PRPF40B: variants seen among roughly 807,000 people sequenced by gnomAD.
The protein encoded by PRPF40B is pre-mRNA-processing factor 40 homolog B.
PRPF40B carries 56 observed loss-of-function variants against 124.5 expected under a neutral mutation model. That is an observed-to-expected ratio of 0.45 (90% CI 0.36 to 0.56). The LOEUF (loss-of-function observed/expected upper bound fraction) is 0.56, where lower values mean the gene tolerates loss of function less well. Among genes scored for constraint, PRPF40B ranks in the 20% least tolerant of loss-of-function variants. PRPF40B has a pLI of 0.00. For missense variants in PRPF40B, 1,053 were observed against 1,169.5 expected (o/e 0.90, Z 1.45); for synonymous variants, 443 against 426.4 (o/e 1.04, Z -0.48).
At chr12:49,623,298 G>GGCCCCC (rs763817769), upstream of PRPF40B, 4 of 169,934 alleles carry the variant, frequency 2.4e-5, no homozygotes, top group Non-Finnish European at 5.0e-5. Context: ...CAGAGGCGCC[G>GGCCCCC]GCCCCCGACC....
Position 49,631,769 on chromosome 12 carries a change from G to A in PRPF40B, c.229-91G>A. On this transcript the variant is annotated intron_variant, in intron 3 of 25. Coordinates refer to ENST00000548825, the MANE Select transcript of PRPF40B (RefSeq NM_001031698.3). This position sits in a 1 kb window ranked among gnomAD's most constrained non-coding sequence, Gnocchi z 4.3. The stretch of plus-strand genomic sequence containing the variant: ...TGCCCAAGTGAGGGTCATGGCTCCA[G>A]TGAGATGTCTCAGGACCCTTTGAGG... 1 of 1,368,822 alleles carries A rather than the reference G, an allele frequency of 7.3e-7. No individual in the cohort carries two copies. The highest frequency in any genetic ancestry group is 1.0e-6 in the Non-Finnish European group (1 of 958,146). 84.8% of individuals were successfully genotyped at this position (1,368,822 alleles called of 1,614,324 possible).
chr12:49,631,905 GCGGTGCCTGTC>G lies in PRPF40B; in HGVS notation c.275_285del (p.Ala92AspfsTer27), dbSNP rs1565828318. On this transcript the variant is annotated frameshift_variant, in exon 4 of 26. Transcript: ENST00000548825. LOFTEE classifies it high-confidence loss of function. The surrounding 1 kb of genome is among the most constrained non-coding windows in gnomAD (Gnocchi z 4.3). The stretch of plus-strand genomic sequence containing the variant: ...GATGATGCCAGGAATGCTGATGCCA[GCGGTGCCTGTC>G]ACCGCAGCGGTAAGCACTAGGGGCC... 7 of 1,614,050 alleles carry G rather than the reference GCGGTGCCTGTC, an allele frequency of 4.3e-6. No homozygotes were observed. The highest frequency in any genetic ancestry group is 5.9e-6 in the Non-Finnish European group (7 of 1,180,012).
rs140773805 is a variant in PRPF40B at position 49,643,321 on chromosome 12, C to T, written c.2304C>T (p.Ser768=). 2.2e-5 allele frequency: 36 copies of T among 1,609,718 alleles called. No homozygotes were observed. In the African/African-American group the frequency reaches 4.6e-4, roughly 20 times the overall value. ...CAGAGTCAGGCTCTGAGCCCTCTTC[C>T]TCACTTGATTCAGTTGAAAGTGGGG... ...NPSESGSEPS[S]SLDSVESGGA... is the part of the protein sequence containing the mutation. Residue 768 remains serine, a synonymous_variant, in exon 23 of 26, where the codon TCC becomes TCT. Coordinates refer to ENST00000548825, the MANE Select transcript of PRPF40B (RefSeq NM_001031698.3).
At position 49,644,611 on chromosome 12, in the gene PRPF40B, C is replaced by T. The variant is rs1592630626; in HGVS notation, c.*419C>T. The T allele has an allele frequency of 2.4e-5, 5 of 211,242 alleles. No homozygotes were observed. The highest frequency in any genetic ancestry group is 2.8e-3 in the Middle Eastern group (2 of 722). The allele number at this position is 211,242 out of a possible 1,614,324, so 13.1% of individuals were successfully genotyped here. A position where few individuals can be genotyped will look rare whatever the true frequency, so the allele number is the denominator to read the frequency against. ...CCACCACTTCTTCCTCCACCCAGGA[C>T]CTAATGTACGTGTGTTTTGTTTTTT... On this transcript the variant is annotated 3_prime_UTR_variant, in exon 26 of 26. Coordinates refer to ENST00000548825, the MANE Select transcript of PRPF40B (RefSeq NM_001031698.3).
chr12:49,622,648 A>G (rs958025026), upstream of PRPF40B: 15 of 152,350 alleles, frequency 9.8e-5, no homozygotes, highest in African/African-American at 3.6e-4. Flanking sequence ...TGTCACCTCT[A>G]ACTCTTCGTG....
Position 49,643,852 on chromosome 12 carries a change from C to A in PRPF40B, c.2443-9C>A, listed in dbSNP as rs774806697. The A allele has an allele frequency of 5.0e-6, 8 of 1,614,142 alleles. No homozygotes were observed. Among genetic ancestry groups the A allele is most frequent in the Non-Finnish European group, 6.8e-6 (8 of 1,180,002 alleles). On this transcript the variant is annotated splice_polypyrimidine_tract_variant and intron_variant, in intron 24 of 25. Transcript: ENST00000548825. ...AGGAACTGAGGAGGTGGGCTCTGGA[C>A]TCTTACAGAATAGTCCTGAGAGTGA...
intron 2 of PRPF40B, 84 bp downstream of exon 2, chr12:49,630,709 GCA>G (rs746130194): frequency 1.5e-6 from 1 of 662,968 alleles, no homozygotes; most frequent in Non-Finnish European, 2.8e-6. Flanking sequence ...TGCATCACCA[GCA>G]CAGTTTTCCT....
chr12:49,633,042 C>T lies in PRPF40B; in HGVS notation c.377C>T (p.Pro126Leu). ...GCCCTATGGAGTGAGCATGTGGCCC[C>T]AGATGGGCGCATCTACTACTACAAT... ...PRALWSEHVAPDGRIYYYNAD... is the reference protein window; with the variant it reads ...PRALWSEHVALDGRIYYYNAD... The change falls in exon 7 of 26, where the codon CCA becomes CTA. Residue 126 changes from proline (P) to leucine (L), a missense_variant. Pro to Leu is a moderately conservative substitution (Grantham distance 98). Transcript: ENST00000548825. 1 of 1,592,256 alleles carries T rather than the reference C, an allele frequency of 6.3e-7. No individual in the cohort carries two copies. Among genetic ancestry groups the T allele is most frequent in the Non-Finnish European group, 8.6e-7 (1 of 1,169,552 alleles).
At position 49,635,239 on chromosome 12, in the gene PRPF40B, G is replaced by T. The variant is rs542656887; in HGVS notation, c.1142G>T (p.Arg381Leu). 1.9e-6 allele frequency: 3 copies of T among 1,613,678 alleles called. No individual in the cohort carries two copies. Among genetic ancestry groups the T allele is most frequent in the South Asian group, 2.2e-5 (2 of 91,034 alleles). ...CAGCATTTCCTGGAGCAGCATGAAC[G>T]CATGACCTCCACCACCCGCTACCGG... ...TLQHFLEQHE[R>L]MTSTTRYRRA... Residue 381 changes from arginine to leucine, a missense_variant, in exon 13 of 26, where the codon CGC becomes CTC. Arg to Leu is a moderately radical substitution (Grantham distance 102, BLOSUM62 -2). Coordinates refer to ENST00000548825, the MANE Select transcript of PRPF40B (RefSeq NM_001031698.3). The surrounding 1 kb of genome is among the most constrained non-coding windows in gnomAD (Gnocchi z 4.1).
chr12:49,641,724 G>C, intron 18 of PRPF40B, 184 bp from the exon 19 acceptor site: 1 of 592,322 alleles, frequency 1.7e-6, no homozygotes, highest in East Asian at 2.8e-5. Flanking sequence ...CCAAGGGTAG[G>C]CATGGGGGCT....
intron 1 of PRPF40B, chr12:49,624,264 C>T (rs1281145010): frequency 1.4e-6 from 1 of 734,766 alleles, no homozygotes; most frequent in Non-Finnish European, 1.7e-6. Context: ...CTTCCAGGGT[C>T]TAAATGAATA....
Position 49,633,000 on chromosome 12 carries a change from C to A in PRPF40B, c.349-14C>A, listed in dbSNP as rs747722193. 25 of 509,798 alleles carry A rather than the reference C, an allele frequency of 4.9e-5. No individual in the cohort carries two copies. Among genetic ancestry groups the A allele is most frequent in the Non-Finnish European group, 9.1e-5 (24 of 264,294 alleles). The allele number at this position is 509,798 out of a possible 1,614,324, so 31.6% of individuals were successfully genotyped here. ...GGGCCTTGACCACCATTCTGTGCCC[C>A]CCCCCCCACCCAGAGGGCCCTATGG... On this transcript the variant is annotated splice_polypyrimidine_tract_variant and intron_variant, in intron 6 of 25. Coordinates refer to ENST00000548825, the MANE Select transcript of PRPF40B (RefSeq NM_001031698.3).
At position 49,643,734 on chromosome 12, in the gene PRPF40B, G is replaced by A. The variant is rs1387494032; in HGVS notation, c.2424G>A (p.Lys808=). 64 of 1,613,972 alleles carry A rather than the reference G, an allele frequency of 4.0e-5. No individual in the cohort carries two copies. The highest frequency in any genetic ancestry group is 4.7e-5 in the Non-Finnish European group (56 of 1,179,978). The change falls in exon 24 of 26, where the codon AAG becomes AAA. Residue 808 remains lysine, a synonymous_variant. Transcript: ENST00000548825. ...CCAAGAAACCAAAAAAGAAAACTAA[G>A]AAGAGAAGACACAAGTCGGTGAGTG... ...RKAKKPKKKT[K]KRRHKSNSPE...
Position 49,642,396 on chromosome 12 carries a change from A to G in PRPF40B, c.2022+24A>G. On this transcript the variant is annotated intron_variant, in intron 20 of 25. Transcript: ENST00000548825. This position sits in a 1 kb window ranked among gnomAD's most constrained non-coding sequence, Gnocchi z 5.8. ...AGGTCAGGAGCGTAGCCTGGCCCCA[A>G]GCACCCCTCAAGCCTGAGGGCAGCG... The G allele has an allele frequency of 6.2e-7, 1 of 1,612,118 alleles. No homozygotes were observed. The highest frequency in any genetic ancestry group is 1.1e-5 in the South Asian group (1 of 91,010).
intron 1 of PRPF40B, among the ~76,000 whole-genome samples, chr12:49,625,478 A>G (rs1443683189): frequency 6.6e-6 from 1 of 152,196 alleles, no homozygotes; most frequent in Non-Finnish European, 1.5e-5. Flanking sequence ...AATATTAGCT[A>G]TTAGCTGTTA....
At chr12:49,630,776 T>C in intron 2 of PRPF40B, 151 bp downstream of exon 2, 2 of 606,852 alleles carry the variant, frequency 3.3e-6, no homozygotes, top group South Asian at 3.9e-5. Flanking sequence ...GAGCATTGGG[T>C]TGGGGAGAGC....
chr12:49,637,893 T>A, intron 18 of PRPF40B, 69 bp downstream of exon 18: 1 of 1,286,110 alleles, frequency 7.8e-7, no homozygotes, highest in Non-Finnish European at 1.1e-6. Flanking sequence ...GAGGACTCCC[T>A]GATAAGTCCT....
chr12:49,637,438 A>T lies in PRPF40B; in HGVS notation c.1561-32A>T, dbSNP rs1237081062. On this transcript the variant is annotated intron_variant, in intron 16 of 25. Coordinates refer to ENST00000548825, the MANE Select transcript of PRPF40B (RefSeq NM_001031698.3). ...GTCTGTGGCTCTGCCTCCCTGTCTC[A>T]CTCTCCCTATAACTGGCCTCTCCCT... 5 of 1,500,162 alleles carry T rather than the reference A, an allele frequency of 3.3e-6. No individual in the cohort carries two copies. In the East Asian group the frequency reaches 1.1e-4, roughly 34 times the overall value. The allele number at this position is 1,500,162 out of a possible 1,614,324, so 92.9% of individuals were successfully genotyped here. A position where few individuals can be genotyped will look rare whatever the true frequency, so the allele number is the denominator to read the frequency against.
rs1315952399 is a variant in PRPF40B at position 49,642,388 on chromosome 12, T to G, written c.2022+16T>G. ...CTGGGAAGAGGTCAGGAGCGTAGCC[T>G]GGCCCCAAGCACCCCTCAAGCCTGA... On this transcript the variant is annotated intron_variant, in intron 20 of 25. Transcript: ENST00000548825. The surrounding 1 kb of genome is among the most constrained non-coding windows in gnomAD (Gnocchi z 5.8). 2 of 1,612,642 alleles carry G rather than the reference T, an allele frequency of 1.2e-6. No homozygotes were observed. Among genetic ancestry groups the G allele is most frequent in the East Asian group, 4.5e-5 (2 of 44,856 alleles).
Sources: gnomAD v4.1 joint callset for allele counts (sites outside exome capture counted in the v4.1 genomes callset) on GRCh38, gnomAD v4.1.1 for gene constraint, Gnocchi (gnomAD v3.1) non-coding constraint, MANE v1.5 for transcripts, NCBI Gene and HGNC (gene_info 2026-07-23, HGNC 2026-07-21) for gene names.